GRIA2: variants seen among roughly 807,000 people sequenced by gnomAD.
GRIA2 encodes glutamate receptor 2.
In GRIA2, 14 loss-of-function variants were observed where a neutral mutation model predicts 97.3. The observed-to-expected ratio is 0.14, with a 90% confidence interval of 0.10 to 0.23. The LOEUF (loss-of-function observed/expected upper bound fraction) is 0.23. GRIA2 is among the 10% of genes least tolerant of loss of function. GRIA2 has a pLI of 1.00. For missense variants in GRIA2, 558 were observed against 1,069.8 expected, an observed-to-expected ratio of 0.52 and a Z score of 6.67; for synonymous variants, 412 against 387.8, an observed-to-expected ratio of 1.06 and a Z score of -0.73.
At position 157,256,377 on chromosome 4, in the gene GRIA2, TA is replaced by T. The variant is rs1731274525; in HGVS notation, c.229+34571del. Among the ~76,000 whole-genome samples the T allele has an allele frequency of 2.0e-5, 3 of 148,436 alleles. No individual in the cohort carries two copies. The South Asian group carries it at 6.2e-4, about 31-fold the overall frequency. The stretch of plus-strand genomic sequence containing the variant: ...CTCTCACTGTTTTATGTGTTTTCTT[TA>T]TTTTTTAACAATAAGCATGTATTCA... On this transcript the variant is annotated intron_variant, in intron 2 of 15. Transcript: ENST00000264426.
chr4:157,302,491 G>A (rs1477690613), intron 2 of GRIA2, among the ~76,000 whole-genome samples: 1 of 152,056 alleles, frequency 6.6e-6, no homozygotes, highest in Non-Finnish European at 1.5e-5. Flanking sequence ...TTTGAATGTA[G>A]CATCTATCTC....
intron 5 of GRIA2, among the ~76,000 whole-genome samples, chr4:157,320,386 T>C (rs998777136): frequency 6.6e-6 from 1 of 152,134 alleles, no homozygotes; most frequent in Non-Finnish European, 1.5e-5. Flanking sequence ...AAAAGTGTCA[T>C]GCAGAAGTAA....
chr4:157,272,067 T>C (rs1579320802), intron 2 of GRIA2, among the ~76,000 whole-genome samples: 1 of 152,254 alleles, frequency 6.6e-6, no homozygotes, highest in African/African-American at 2.4e-5. Context: ...ATCAACCAGC[T>C]GTGAGTTGTT....
intron 12 of GRIA2, among the ~76,000 whole-genome samples, chr4:157,355,973 A>ATT (rs1736318036): frequency 7.1e-5 from 3 of 42,252 alleles, no homozygotes; most frequent in Admixed American, 3.9e-4. Context: ...GTATATTAAT[A>ATT]TATATATTTA....
intron 6 of GRIA2, among the ~76,000 whole-genome samples, chr4:157,330,019 C>A (rs1734978406): frequency 2.0e-5 from 3 of 151,872 alleles, no homozygotes; most frequent in Non-Finnish European, 2.9e-5. Context: ...GGAATAAAAA[C>A]AGTGGTGGCA....
At chr4:157,236,938 A>G (rs1299792355) in intron 2 of GRIA2, among the ~76,000 whole-genome samples, 1 of 151,904 alleles carries the variant, frequency 6.6e-6, no homozygotes, top group Non-Finnish European at 1.5e-5. Flanking sequence ...TGTCTTTTTA[A>G]CCTGTTTATC....
At chr4:157,301,818 G>A (rs80144349) in intron 2 of GRIA2, among the ~76,000 whole-genome samples, 3,319 of 152,088 alleles carry the variant, frequency 0.022, 64 homozygotes, top group Middle Eastern at 0.071. Flanking sequence ...TGGATGACTG[G>A]TTTCCAGTTT....
At chr4:157,249,611 G>A (rs1730933446) in intron 2 of GRIA2, 1 of 152,126 alleles carries the variant, frequency 6.6e-6, no homozygotes, top group South Asian at 2.1e-4. Context: ...CTGGCAAAGT[G>A]CCTGGGATAC....
chr4:157,254,670 G>A (rs1453739985), intron 2 of GRIA2, among the ~76,000 whole-genome samples: 2 of 151,938 alleles, frequency 1.3e-5, no homozygotes, highest in South Asian at 2.1e-4. Flanking sequence ...TGTGAAATAG[G>A]CAATGGACTG....
rs1183968337 is a variant in GRIA2 at position 157,361,223 on chromosome 4, G to A, written c.2406+99G>A. ...CACTCCGTGCCACCAAGTTTCCAACGCTAAGCTGAAGAGTGCAATTGGATG... is the reference window on the plus strand; with the variant it reads ...CACTCCGTGCCACCAAGTTTCCAACACTAAGCTGAAGAGTGCAATTGGATG... On this transcript the variant is annotated intron_variant, in intron 14 of 15. Transcript: ENST00000264426. This position sits in a 1 kb window ranked among gnomAD's most constrained non-coding sequence, Gnocchi z 5.2. The A allele has an allele frequency of 2.1e-5, 19 of 888,412 alleles. No individual in the cohort carries two copies. Among genetic ancestry groups the A allele is most frequent in the Admixed American group, 1.1e-4 (5 of 44,072 alleles). The allele number at this position is 888,412 out of a possible 1,614,324, so 55.0% of individuals were successfully genotyped here.
chr4:157,269,932 G>A (rs756135065), intron 2 of GRIA2, among the ~76,000 whole-genome samples: 8 of 151,728 alleles, frequency 5.3e-5, no homozygotes, highest in Non-Finnish European at 1.2e-4. Flanking sequence ...TGAAAAGTGG[G>A]CCCATCAGTC....
chr4:157,321,628 T>A, intron 6 of GRIA2, 29 bp downstream of exon 6: 1 of 1,532,846 alleles, frequency 6.5e-7, no homozygotes, highest in Non-Finnish European at 8.9e-7. Context: ...CTTTTCTTTT[T>A]CTTTCATATG....
At chr4:157,225,994 G>C (rs1395038851) in intron 2 of GRIA2, among the ~76,000 whole-genome samples, 1 of 151,836 alleles carries the variant, frequency 6.6e-6, no homozygotes, top group Non-Finnish European at 1.5e-5. Flanking sequence ...CTGTGTAAAA[G>C]GGCTATAAAC....
At chr4:157,258,234 C>A (rs1202613096) in intron 2 of GRIA2, among the ~76,000 whole-genome samples, 1 of 152,098 alleles carries the variant, frequency 6.6e-6, no homozygotes, top group African/African-American at 2.4e-5. Context: ...CCGGGTGGAA[C>A]AGAGCCATAT....
At chr4:157,340,879 ATGT>A (rs1187523291) in intron 11 of GRIA2, among the ~76,000 whole-genome samples, 1 of 151,956 alleles carries the variant, frequency 6.6e-6, no homozygotes, top group Non-Finnish European at 1.5e-5. Flanking sequence ...TTGTTCATAA[ATGT>A]TGTTATGAGG....
At chr4:157,269,433 T>A (rs1419382036) in intron 2 of GRIA2, among the ~76,000 whole-genome samples, 3 of 152,064 alleles carry the variant, frequency 2.0e-5, no homozygotes, top group African/African-American at 7.2e-5. Context: ...TAAGAAATTG[T>A]CTAGTAACAT....
At chr4:157,272,164 T>C (rs189804824) in intron 2 of GRIA2, among the ~76,000 whole-genome samples, 1 of 152,112 alleles carries the variant, frequency 6.6e-6, no homozygotes, top group African/African-American at 2.4e-5. Flanking sequence ...GTAATGTTAT[T>C]TGCAAATAAG....
chr4:157,275,627 T>A (rs1732265368), intron 2 of GRIA2, among the ~76,000 whole-genome samples: 1 of 152,160 alleles, frequency 6.6e-6, no homozygotes, highest in Admixed American at 6.6e-5. Context: ...ACATAGGGAA[T>A]CCGTTCCCCA....
In GRIA2 at chr4:157,355,277, C is replaced by T. The variant is rs13353737; in HGVS notation, c.2044-4619C>T. ...GCACAGTGGCTCACGCCTGTAATCC[C>T]AGCACTTTGGGAGGCCAAAGCAGGC... On this transcript the variant is annotated intron_variant, in intron 12 of 15. Coordinates refer to ENST00000264426, the MANE Select transcript of GRIA2 (RefSeq NM_001083619.3). 2.6e-3 allele frequency among the ~76,000 whole-genome samples: 392 copies of T among 152,132 alleles called. 1 individual carries two copies. Among genetic ancestry groups the T allele is most frequent in the African/African-American group, 8.9e-3 (369 of 41,484 alleles).
Sources: gnomAD v4.1 joint callset for allele counts (sites outside exome capture counted in the v4.1 genomes callset) on GRCh38, gnomAD v4.1.1 for gene constraint, Gnocchi (gnomAD v3.1) non-coding constraint, MANE v1.5 for transcripts, NCBI Gene and HGNC (gene_info 2026-07-23, HGNC 2026-07-21) for gene names.